The following SETBP1 variants were observed in gnomAD, a reference collection of about 807,000 sequenced individuals.
SETBP1 encodes SET-binding protein.
In SETBP1, 9 loss-of-function variants were observed where a neutral mutation model predicts 101.0. The ratio of observed to expected loss-of-function variants is 0.09; its 90% CI spans 0.05 to 0.16. The LOEUF is 0.16. SETBP1 is among the 10% of genes least tolerant of loss of function. The probability of loss-of-function intolerance (pLI) is 1.00; values close to 1 mark genes in which losing one functional copy is unlikely to be tolerated. For missense variants in SETBP1, 1,858 were observed against 2,033.8 expected (o/e 0.91, Z 1.66); for synonymous variants, 818 against 788.5 (o/e 1.04, Z -0.63).
At chr18:44,683,073 TAAG>T (rs1179859680) in intron 1 of SETBP1, among the ~76,000 whole-genome samples, 2 of 152,144 alleles carry the variant, frequency 1.3e-5, no homozygotes, top group East Asian at 3.9e-4. Context: ...TAGTGTCGGT[TAAG>T]AAGGGGGCCA....
At chr18:44,869,367 G>T in intron 3 of SETBP1, 84 bp downstream of exon 3, 6 of 1,268,802 alleles carry the variant, frequency 4.7e-6, no homozygotes, top group Non-Finnish European at 5.8e-6. Flanking sequence ...TTGGGGCCAG[G>T]ACAGAAACCC....
At chr18:44,978,160 G>A (rs1258280211) in intron 4 of SETBP1, among the ~76,000 whole-genome samples, 1 of 152,142 alleles carries the variant, frequency 6.6e-6, no homozygotes, top group Non-Finnish European at 1.5e-5. Context: ...GCTTGCAAAG[G>A]AGACTGACAG....
intron 3 of SETBP1, among the ~76,000 whole-genome samples, chr18:44,912,236 G>A (rs2070326676): frequency 6.6e-6 from 1 of 152,136 alleles, no homozygotes; most frequent in Non-Finnish European, 1.5e-5. Context: ...CAAGTAGAAA[G>A]ACCATGTTCA....
At chr18:44,761,088 C>T (rs375465708) in intron 2 of SETBP1, among the ~76,000 whole-genome samples, 2 of 151,850 alleles carry the variant, frequency 1.3e-5, no homozygotes, top group South Asian at 2.1e-4. Flanking sequence ...CAAAATCAGC[C>T]GTGCTACTTT....
chr18:44,906,761 C>G (rs953851506), intron 3 of SETBP1, among the ~76,000 whole-genome samples: 6 of 152,180 alleles, frequency 3.9e-5, no homozygotes, highest in African/African-American at 1.2e-4. Flanking sequence ...GAGGACTAGA[C>G]TAGTTTAAGT....
chr18:44,680,518 C>A (rs917127701), upstream of SETBP1: 1 of 152,150 alleles, frequency 6.6e-6, no homozygotes, highest in Admixed American at 6.5e-5. Flanking sequence ...GTTCACGTCG[C>A]CTTGCTGGGT....
chr18:45,041,628 G>T (rs2073510030), intron 5 of SETBP1, among the ~76,000 whole-genome samples: 1 of 152,118 alleles, frequency 6.6e-6, no homozygotes, highest in Non-Finnish European at 1.5e-5. Context: ...AGATAAGAAG[G>T]TACTGAAGTA....
intron 1 of SETBP1, among the ~76,000 whole-genome samples, chr18:44,686,050 G>A (rs1310193383): frequency 6.6e-6 from 1 of 152,200 alleles, no homozygotes; most frequent in Non-Finnish European, 1.5e-5. Flanking sequence ...TCTCCATCAA[G>A]AAACCACAAT....
At chr18:44,804,457 C>A (rs1241232486) in intron 2 of SETBP1, among the ~76,000 whole-genome samples, 1 of 152,070 alleles carries the variant, frequency 6.6e-6, no homozygotes, top group Non-Finnish European at 1.5e-5. Context: ...AACATTCTGG[C>A]AGAATATGAC....
At chr18:44,771,702 G>A (rs201612946) in intron 2 of SETBP1, among the ~76,000 whole-genome samples, 69 of 152,168 alleles carry the variant, frequency 4.5e-4, no homozygotes, top group Non-Finnish European at 5.0e-4. Context: ...AGCAGAAGGT[G>A]GAGGCAGGGT....
intron 3 of SETBP1, chr18:44,876,432 A>G (rs2069405100): frequency 1.5e-6 from 1 of 650,128 alleles, no homozygotes; most frequent in Non-Finnish European, 2.6e-6. Flanking sequence ...GACAGGAATT[A>G]TCAGGGCAGT....
Position 45,008,363 on chromosome 18 carries a change from A to G in SETBP1, c.4001-30122A>G, listed in dbSNP as rs572260318. Among the ~76,000 whole-genome samples, 52 of 152,330 alleles carry G rather than the reference A, an allele frequency of 3.4e-4. 1 individual carries two copies. The South Asian group carries it at 0.011, about 32-fold the overall frequency. On this transcript the variant is annotated intron_variant, in intron 4 of 5. Coordinates refer to ENST00000649279, the MANE Select transcript of SETBP1 (RefSeq NM_015559.3). The stretch of plus-strand genomic sequence containing the variant: ...CGAAGACCATGTATGTCCATCATGA[A>G]TCTGACAGAAATTTTACCCTGAGAT...
At chr18:44,897,595 T>TG (rs960104477) in intron 3 of SETBP1, among the ~76,000 whole-genome samples, 9 of 152,208 alleles carry the variant, frequency 5.9e-5, no homozygotes, top group Admixed American at 1.3e-4. Flanking sequence ...TTGAGTTGTG[T>TG]GGGAAACACT....
chr18:44,768,911 A>T (rs1317633015), intron 2 of SETBP1, among the ~76,000 whole-genome samples: 1 of 152,046 alleles, frequency 6.6e-6, no homozygotes, highest in African/African-American at 2.4e-5. Context: ...GGGCAGATAG[A>T]CTCTTTTGTC....
chr18:44,782,476 A>G (rs2071151607), intron 2 of SETBP1, among the ~76,000 whole-genome samples: 1 of 152,216 alleles, frequency 6.6e-6, no homozygotes, highest in Admixed American at 6.5e-5. Context: ...GGAAGGAAAG[A>G]AAAGCCAGGA....
intron 2 of SETBP1, among the ~76,000 whole-genome samples, chr18:44,702,998 T>C (rs1218513059): frequency 6.6e-6 from 1 of 152,222 alleles, no homozygotes; most frequent in Non-Finnish European, 1.5e-5. Flanking sequence ...ATGAATGAGT[T>C]CATATTTCAT....
At chr18:44,963,193 G>A (rs2071648069) in intron 4 of SETBP1, among the ~76,000 whole-genome samples, 1 of 152,158 alleles carries the variant, frequency 6.6e-6, no homozygotes, top group Non-Finnish European at 1.5e-5. Context: ...ATTTGATCAG[G>A]CCAGTAGCAT....
chr18:44,771,150 C>A (rs1012982011), intron 2 of SETBP1, among the ~76,000 whole-genome samples: 3 of 151,692 alleles, frequency 2.0e-5, no homozygotes, highest in African/African-American at 7.3e-5. Context: ...TTCCCAGGAT[C>A]CACTCCAGAT....
intron 2 of SETBP1, among the ~76,000 whole-genome samples, chr18:44,827,601 A>G (rs2072265129): frequency 6.6e-6 from 1 of 152,168 alleles, no homozygotes; most frequent in Admixed American, 6.5e-5. Flanking sequence ...ATGCAGGTAT[A>G]TTGGGCCTTA....
Sources: gnomAD v4.1 joint callset for allele counts (sites outside exome capture counted in the v4.1 genomes callset) on GRCh38, gnomAD v4.1.1 for gene constraint, MANE v1.5 for transcripts, NCBI Gene and HGNC (gene_info 2026-07-23, HGNC 2026-07-21) for gene names.